EPHA6: variants seen among roughly 807,000 people sequenced by gnomAD.
EPHA6 encodes the protein ephrin type-A receptor 6.
Under a neutral mutation model 112.0 loss-of-function variants are expected in EPHA6, and 50 were observed. The observed-to-expected ratio is 0.45, with a 90% CI of 0.36 to 0.56. The LOEUF is 0.56. Among genes scored for constraint, EPHA6 ranks in the 20% least tolerant of loss-of-function variants. EPHA6 has a pLI of 0.00. For missense variants in EPHA6, 1,280 were observed against 1,417.4 expected, an observed-to-expected ratio of 0.90 and a Z score of 1.56; for synonymous variants, 529 against 490.7, an observed-to-expected ratio of 1.08 and a Z score of -1.03.
intron 5 of EPHA6, among the ~76,000 whole-genome samples, chr3:97,333,079 C>T (rs1231419043): frequency 6.6e-6 from 1 of 151,940 alleles, no homozygotes; most frequent in Non-Finnish European, 1.5e-5. Flanking sequence ...TTGAGTCTTC[C>T]TAGTTACCTG....
chr3:96,899,595 T>C (rs1054789903), intron 2 of EPHA6, among the ~76,000 whole-genome samples: 3 of 152,242 alleles, frequency 2.0e-5, no homozygotes, highest in African/African-American at 7.2e-5. Context: ...ACCTGACATC[T>C]GGGTGAACTC....
At chr3:97,517,697 A>C (rs1357156433) in intron 10 of EPHA6, among the ~76,000 whole-genome samples, 1 of 152,084 alleles carries the variant, frequency 6.6e-6, no homozygotes, top group Non-Finnish European at 1.5e-5. Context: ...GCTTATTTCT[A>C]CTGTCTAACT....
intron 5 of EPHA6, among the ~76,000 whole-genome samples, chr3:97,400,114 T>C (rs1316011518): frequency 6.6e-6 from 1 of 151,806 alleles, no homozygotes; most frequent in African/African-American, 2.4e-5. Context: ...TGTTGATTTT[T>C]GTATATGGTG....
chr3:97,195,442 T>C (rs1333762580), intron 3 of EPHA6, among the ~76,000 whole-genome samples: 1 of 152,062 alleles, frequency 6.6e-6, no homozygotes, highest in Non-Finnish European at 1.5e-5. Context: ...TCTTATTTTA[T>C]TGTTAATGTC....
In EPHA6 at chr3:97,753,156, A is replaced by T. The variant is rs1185782281; in HGVS notation, c.*4455A>T. Among the ~76,000 whole-genome samples the T allele has an allele frequency of 6.6e-6, 1 of 152,156 alleles. No individual in the cohort carries two copies. The highest frequency in any genetic ancestry group is 1.5e-5 in the Non-Finnish European group (1 of 68,022). On this transcript the variant is annotated 3_prime_UTR_variant, in exon 18 of 18. Transcript: ENST00000389672. ...GTTCCACAAAGACAGTATAGATTTT[A>T]TCTAGTTCAGCTTAACAAATATCTA... is the stretch of plus-strand genomic sequence containing the variant.
intron 6 of EPHA6, among the ~76,000 whole-genome samples, chr3:97,438,990 A>C (rs10934936): frequency 0.15 from 22,532 of 151,962 alleles, 5,251 homozygotes; most frequent in African/African-American, 0.5. Context: ...ATCACTATTA[A>C]AAGCAGTTCG....
intron 14 of EPHA6, among the ~76,000 whole-genome samples, chr3:97,687,503 A>G (rs531503836): frequency 4.6e-5 from 7 of 152,286 alleles, no homozygotes; most frequent in African/African-American, 1.7e-4. Context: ...TAATAAGCAT[A>G]GTCTCTATTT....
At chr3:97,733,790 T>C (rs1335488446) in intron 15 of EPHA6, among the ~76,000 whole-genome samples, 3 of 152,054 alleles carry the variant, frequency 2.0e-5, no homozygotes, top group African/African-American at 7.2e-5. Flanking sequence ...TTACCCAGAA[T>C]ATTAAACTTA....
chr3:97,498,153 G>A (rs561722546), intron 10 of EPHA6, among the ~76,000 whole-genome samples: 1 of 152,176 alleles, frequency 6.6e-6, no homozygotes, highest in African/African-American at 2.4e-5. Flanking sequence ...TGCTCTTGAT[G>A]TATTAAATAA....
intron 11 of EPHA6, among the ~76,000 whole-genome samples, chr3:97,566,957 G>T (rs1268888215): frequency 6.6e-6 from 1 of 152,186 alleles, no homozygotes; most frequent in African/African-American, 2.4e-5. Context: ...TGGAGGAGTA[G>T]ATTTAAACTC....
chr3:97,363,171 AATATATATATATAT>A (rs58214738), intron 5 of EPHA6, among the ~76,000 whole-genome samples: 56 of 51,426 alleles, frequency 1.1e-3, no homozygotes, highest in Admixed American at 1.3e-3. Flanking sequence ...TTGCCCCTGC[AATATATATATATAT>A]ATATATATAT....
At chr3:97,371,363 A>T (rs2085042543) in intron 5 of EPHA6, among the ~76,000 whole-genome samples, 1 of 152,134 alleles carries the variant, frequency 6.6e-6, no homozygotes, top group Non-Finnish European at 1.5e-5. Context: ...GATTTCATGG[A>T]CATTTATTAG....
chr3:97,160,772 G>A (rs1334038811), intron 3 of EPHA6, among the ~76,000 whole-genome samples: 1 of 152,110 alleles, frequency 6.6e-6, no homozygotes, highest in Non-Finnish European at 1.5e-5. Context: ...TGAATAATCA[G>A]GTTCACTGCC....
At position 97,345,805 on chromosome 3, in the gene EPHA6, G is replaced by C. The variant is rs549117033; in HGVS notation, c.1607-59345G>C. Among the ~76,000 whole-genome samples the C allele has an allele frequency of 2.0e-5, 3 of 152,090 alleles. No individual in the cohort carries two copies. In the South Asian group the frequency reaches 6.2e-4, roughly 32 times the overall value. ...AATTGTAAGCATTGTCACAGCTGAG[G>C]GATCATTCTTTTAGTAGCTATAGCT... On this transcript the variant is annotated intron_variant, in intron 5 of 17. Coordinates refer to ENST00000389672, the MANE Select transcript of EPHA6 (RefSeq NM_001080448.3).
intron 3 of EPHA6, among the ~76,000 whole-genome samples, chr3:97,072,896 A>G (rs1284401619): frequency 2.0e-5 from 3 of 152,064 alleles, no homozygotes; most frequent in Admixed American, 2.0e-4. Context: ...CCAGTCAGCA[A>G]TTAAATTAAA....
rs116040077 is a variant in EPHA6, at chr3:97,235,306, C to T, written c.1271-8646C>T. Among the ~76,000 whole-genome samples, 476 of 152,204 alleles carry T rather than the reference C, an allele frequency of 3.1e-3. 3 individuals carry two copies. Among genetic ancestry groups the T allele is most frequent in the African/African-American group, 0.01 (433 of 41,546 alleles). ...AATGAATAACTAATAATTTCAAGCT[C>T]AACCTGAGTTAGCCAGTATTATTGC... On this transcript the variant is annotated intron_variant, in intron 4 of 17. Transcript: ENST00000389672.
chr3:97,263,581 G>A (rs2079571695), intron 5 of EPHA6, among the ~76,000 whole-genome samples: 2 of 151,324 alleles, frequency 1.3e-5, no homozygotes, highest in South Asian at 2.1e-4. Context: ...TTGTACTTAG[G>A]AATTAGTTTC....
intron 3 of EPHA6, among the ~76,000 whole-genome samples, chr3:97,100,721 G>T (rs1909829): frequency 0.21 from 31,999 of 151,806 alleles, 4,791 homozygotes; most frequent in African/African-American, 0.4. Flanking sequence ...ATACATTTCA[G>T]TTACTCTGAA....
intron 5 of EPHA6, among the ~76,000 whole-genome samples, chr3:97,381,512 A>T (rs528019683): frequency 6.6e-5 from 10 of 152,228 alleles, no homozygotes; most frequent in Admixed American, 2.6e-4. Context: ...ACTGTTTTAA[A>T]TCCTACATTA....
Sources: gnomAD v4.1 joint callset for allele counts (sites outside exome capture counted in the v4.1 genomes callset) on GRCh38, gnomAD v4.1.1 for gene constraint, MANE v1.5 for transcripts, NCBI Gene and HGNC (gene_info 2026-07-23, HGNC 2026-07-21) for gene names.